Variants in CDH17 observed in about 807,000 individuals in gnomAD.
CDH17 encodes cadherin 17.
In CDH17, 67 loss-of-function variants were observed where a neutral mutation model predicts 86.3. The ratio of observed to expected loss-of-function variants is 0.78; its 90% CI spans 0.64 to 0.95. CDH17 has a LOEUF of 0.95. CDH17 is among the 40% of genes least tolerant of loss of function. The pLI is 0.00. For missense variants in CDH17, 993 were observed against 1,017.6 expected (o/e 0.98, Z 0.33); for synonymous variants, 367 against 366.4 (o/e 1.00, Z -0.02).
At chr8:94,198,143 G>A (rs1305357083) in intron 1 of CDH17, among the ~76,000 whole-genome samples, 1 of 152,090 alleles carries the variant, frequency 6.6e-6, no homozygotes, top group Non-Finnish European at 1.5e-5. Context: ...CAAATATCAT[G>A]TATGTATGTA....
intron 2 of CDH17, among the ~76,000 whole-genome samples, chr8:94,192,613 A>G (rs1418622301): frequency 5.3e-5 from 8 of 152,190 alleles, no homozygotes; most frequent in Non-Finnish European, 8.8e-5. Context: ...GTCAAAGGAC[A>G]TGTGCAATTG....
chr8:94,128,050 ACCACTGTACT>A lies in CDH17; in HGVS notation c.*180_*189del, dbSNP rs1812335223. ...GGAGGTTGCAGTGAGCTGGGATCAC[ACCACTGTACT>A]CCAGCCTGGGCGACAGAGCAAGACT... On this transcript the variant is annotated 3_prime_UTR_variant, in exon 18 of 18. Transcript: ENST00000027335. 1 of 529,380 alleles carries A rather than the reference ACCACTGTACT, an allele frequency of 1.9e-6. No individual in the cohort carries two copies. The highest frequency in any genetic ancestry group is 1.9e-5 in the African/African-American group (1 of 51,670). 32.8% of individuals were successfully genotyped at this position (529,380 alleles called of 1,614,324 possible).
upstream of CDH17, among the ~76,000 whole-genome samples, chr8:94,210,603 T>G (rs925085008): frequency 8.5e-5 from 13 of 152,206 alleles, no homozygotes; most frequent in Non-Finnish European, 1.9e-4. Context: ...TAGGAACTCA[T>G]TTTCATGAAA....
chr8:94,191,604 C>G (rs958903896), intron 2 of CDH17, among the ~76,000 whole-genome samples: 10 of 150,432 alleles, frequency 6.6e-5, no homozygotes, highest in South Asian at 2.1e-4. Context: ...GGCACCCCCC[C>G]ACCATGCCCG....
chr8:94,153,321 A>G (rs1297805022), intron 12 of CDH17, among the ~76,000 whole-genome samples: 2 of 152,190 alleles, frequency 1.3e-5, no homozygotes. Context: ...ATGAGATATT[A>G]CCTCACACCT....
chr8:94,173,682 A>T (rs1362254786), intron 7 of CDH17, 115 bp downstream of exon 7: 1 of 809,414 alleles, frequency 1.2e-6, no homozygotes, highest in South Asian at 1.6e-5. Flanking sequence ...CTTTATAATC[A>T]TGCTATGAAA....
In CDH17 at chr8:94,216,220, G is replaced by A. The variant is rs149016028; in HGVS notation, c.-21+978C>T. On this transcript the variant is annotated intron_variant, in intron 1 of 17. Coordinates refer to the CDH17 transcript ENST00000450165. ...GAACAATCCAGGAGTTTCTGGAAAA[G>A]CCATGTTATCTTCAAACTAGAATTT... 3.2e-4 allele frequency among the ~76,000 whole-genome samples: 48 copies of A among 152,290 alleles called. No individual in the cohort carries two copies. In the East Asian group the frequency reaches 8.3e-3, roughly 26 times the overall value.
At chr8:94,141,171 A>G (rs1180816803) in intron 15 of CDH17, among the ~76,000 whole-genome samples, 1 of 152,092 alleles carries the variant, frequency 6.6e-6, no homozygotes, top group Non-Finnish European at 1.5e-5. Flanking sequence ...AAAAGTTGAT[A>G]ATAATGCATC....
intron 1 of CDH17, among the ~76,000 whole-genome samples, chr8:94,206,680 C>T (rs1814033882): frequency 7.0e-6 from 1 of 142,262 alleles, no homozygotes; most frequent in Admixed American, 7.4e-5. Context: ...CTCACTCTGT[C>T]ACCCAGGCTG....
Position 94,165,836 on chromosome 8 carries a change from A to G in CDH17, c.1207T>C (p.Leu403=). The G allele has an allele frequency of 2.5e-6, 4 of 1,614,002 alleles. No individual in the cohort carries two copies. Among genetic ancestry groups the G allele is most frequent in the East Asian group, 4.5e-5 (2 of 44,846 alleles). The change falls in exon 10 of 18, where the codon TTA becomes CTA. Residue 403 remains leucine (L), a synonymous_variant. Transcript: ENST00000027335. ...TTCAAGGACTGTTTAGCTAACTGTAACATTCCAGCATAGGTTTGGATTAGG... is the reference window on the plus strand; with the variant it reads ...TTCAAGGACTGTTTAGCTAACTGTAGCATTCCAGCATAGGTTTGGATTAGG... ...LFLIQTYAGM[L]QLAKQSLKKQ...
At chr8:94,162,036 G>T in intron 11 of CDH17, 50 bp downstream of exon 11, 3 of 1,118,064 alleles carry the variant, frequency 2.7e-6, no homozygotes, top group Middle Eastern at 2.3e-4. Flanking sequence ...AAGAAAGGGT[G>T]AAGTAAAATG....
intron 3 of CDH17, among the ~76,000 whole-genome samples, chr8:94,185,835 A>C (rs1016343626): frequency 2.6e-5 from 4 of 152,208 alleles, no homozygotes; most frequent in Non-Finnish European, 5.9e-5. Flanking sequence ...CTGGAGCTAA[A>C]TTAAGCCTAT....
chr8:94,150,889 T>TC (rs915989330), intron 13 of CDH17, among the ~76,000 whole-genome samples: 87 of 152,276 alleles, frequency 5.7e-4, no homozygotes, highest in African/African-American at 2.0e-3. Flanking sequence ...ATACAGTATA[T>TC]CCCCTACTGT....
At chr8:94,135,421 T>C (rs544544758) in intron 15 of CDH17, among the ~76,000 whole-genome samples, 2 of 152,346 alleles carry the variant, frequency 1.3e-5, no homozygotes, top group Admixed American at 6.5e-5. Context: ...ATGGCCTCCT[T>C]TGTCTCTTTT....
intron 10 of CDH17, among the ~76,000 whole-genome samples, chr8:94,164,158 T>C (rs755573410): frequency 2.0e-5 from 3 of 152,238 alleles, no homozygotes; most frequent in African/African-American, 4.8e-5. Flanking sequence ...TCCACATGGA[T>C]TCCCACTCTC....
chr8:94,129,007 A>T (rs1186192244), intron 17 of CDH17, among the ~76,000 whole-genome samples: 4 of 152,222 alleles, frequency 2.6e-5, no homozygotes, highest in African/African-American at 4.8e-5. Flanking sequence ...TTAACCTGCT[A>T]GTAAGTTTAT....
At chr8:94,189,623 C>T (rs1813647608) in intron 2 of CDH17, among the ~76,000 whole-genome samples, 1 of 152,224 alleles carries the variant, frequency 6.6e-6, no homozygotes, top group Non-Finnish European at 1.5e-5. Flanking sequence ...AGCCCATGGT[C>T]TTCCACAATC....
Position 94,148,862 on chromosome 8 carries a change from C to A in CDH17, c.1809G>T (p.Arg603Ser), listed in dbSNP as rs1812803695. The change falls in exon 14 of 18, where the codon AGG becomes AGT. Residue 603 changes from arginine (R) to serine (S), a missense_variant. By Grantham distance (110) the Arg-to-Ser change is moderately radical. Coordinates refer to ENST00000027335, the MANE Select transcript of CDH17 (RefSeq NM_004063.4). Reference sequence around the variant, plus strand: ...TTTTAAGCCAACCTCTTGTGTCTCCCCTCAGTGAATAGCTTCATCAAATGA... The same window carrying A: ...TTTTAAGCCAACCTCTTGTGTCTCCACTCAGTGAATAGCTTCATCAAATGA... ...PEGLDISYSL[R>S]GDTRGWLKID... 3 of 1,606,958 alleles carry A rather than the reference C, an allele frequency of 1.9e-6. No homozygotes were observed.
chr8:94,194,333 A>G lies in CDH17; in HGVS notation c.51+302T>C, dbSNP rs181777689. Reference sequence around the variant, plus strand: ...ACAGACTAATTCATGTATCAGTGCAATGTCATTTCAGATTCCCTGAGCTAT... The same window carrying G: ...ACAGACTAATTCATGTATCAGTGCAGTGTCATTTCAGATTCCCTGAGCTAT... On this transcript the variant is annotated intron_variant, in intron 2 of 17. Transcript: ENST00000027335. Among the ~76,000 whole-genome samples, 319 of 152,346 alleles carry G rather than the reference A, an allele frequency of 2.1e-3. 3 individuals carry two copies. The highest frequency in any genetic ancestry group is 6.8e-3 in the African/African-American group (282 of 41,580).
Sources: gnomAD v4.1 joint callset for allele counts (sites outside exome capture counted in the v4.1 genomes callset) on GRCh38, gnomAD v4.1.1 for gene constraint, MANE v1.5 for transcripts, NCBI Gene and HGNC (gene_info 2026-07-23, HGNC 2026-07-21) for gene names.